Variants in FAF1 observed in about 807,000 individuals in gnomAD.
The protein encoded by FAF1 is FAS-associated factor 1.
In FAF1, 25 loss-of-function variants were observed where a neutral mutation model predicts 92.5. That is an observed-to-expected ratio of 0.27 (90% CI 0.20 to 0.38). The LOEUF (loss-of-function observed/expected upper bound fraction) is 0.38, where lower values mean the gene tolerates loss of function less well. Ranked by LOEUF, FAF1 falls within the 10% of genes least tolerant of loss-of-function variation. The probability of loss-of-function intolerance (pLI) is 1.00; values close to 1 mark genes in which losing one functional copy is unlikely to be tolerated. For synonymous variants in FAF1, 234 were observed against 273.2 expected, an observed-to-expected ratio of 0.86 and a Z score of 1.42; for missense variants, 636 against 793.3, an observed-to-expected ratio of 0.80 and a Z score of 2.38.
At chr1:50,457,857 C>T (rs1405989258) in intron 18 of FAF1, among the ~76,000 whole-genome samples, 2 of 146,028 alleles carry the variant, frequency 1.4e-5, no homozygotes, top group African/African-American at 5.1e-5. Flanking sequence ...AGAGTAAGAC[C>T]CTGTCTCCAA....
At chr1:50,742,827 C>T (rs1035063590) in intron 5 of FAF1, among the ~76,000 whole-genome samples, 3 of 152,204 alleles carry the variant, frequency 2.0e-5, no homozygotes, top group African/African-American at 7.2e-5. Context: ...GCATCAGCAG[C>T]AGCGGGGGAT....
intron 8 of FAF1, among the ~76,000 whole-genome samples, chr1:50,621,391 C>CTTTTCT (rs1653197097): frequency 1.1e-5 from 1 of 89,216 alleles, no homozygotes; most frequent in Admixed American, 1.3e-4. Flanking sequence ...TTCTTTTTTT[C>CTTTTCT]TTTTTTTTTT....
intron 1 of FAF1, among the ~76,000 whole-genome samples, chr1:50,866,839 C>A (rs1281855931): frequency 6.6e-6 from 1 of 151,922 alleles, no homozygotes; most frequent in Admixed American, 6.6e-5. Context: ...AGAAAACAAT[C>A]CTAAAATTCA....
intron 18 of FAF1, among the ~76,000 whole-genome samples, chr1:50,453,329 C>T (rs760757674): frequency 4.6e-5 from 7 of 152,158 alleles, no homozygotes; most frequent in Non-Finnish European, 8.8e-5. Flanking sequence ...CAGGGCCATG[C>T]GAGCTGGTGT....
intron 2 of FAF1, among the ~76,000 whole-genome samples, chr1:50,816,406 G>A (rs1484764087): frequency 6.6e-6 from 1 of 151,756 alleles, no homozygotes; most frequent in Non-Finnish European, 1.5e-5. Context: ...GGGTTTCACC[G>A]TGTTAGCCAG....
chr1:50,440,751 C>T lies in FAF1; in HGVS notation c.*689G>A, dbSNP rs559930989. The T allele has an allele frequency of 6.6e-6, 1 of 152,366 alleles. No homozygotes were observed. The highest frequency in any genetic ancestry group is 2.1e-4 in the South Asian group (1 of 4,834). The allele number at this position is 152,366 out of a possible 1,614,324, so 9.4% of individuals were successfully genotyped here. A position where few individuals can be genotyped will look rare whatever the true frequency, so the allele number is the denominator to read the frequency against. On this transcript the variant is annotated 3_prime_UTR_variant, in exon 19 of 19. Transcript: ENST00000396153. Reference sequence around the variant, plus strand: ...TCTCTGCACATGATCTCAACATTCACATTGTGTGCTTGAACAGTTTCCCTA... The same window carrying T: ...TCTCTGCACATGATCTCAACATTCATATTGTGTGCTTGAACAGTTTCCCTA...
chr1:50,765,392 T>G (rs1569909423), intron 4 of FAF1, among the ~76,000 whole-genome samples: 1 of 152,332 alleles, frequency 6.6e-6, no homozygotes, highest in East Asian at 1.9e-4. Flanking sequence ...TCAAGGTCAT[T>G]TGGAAGGAAT....
At chr1:50,879,504 G>C (rs1557571708) in intron 1 of FAF1, among the ~76,000 whole-genome samples, 1 of 152,116 alleles carries the variant, frequency 6.6e-6, no homozygotes, top group Non-Finnish European at 1.5e-5. Flanking sequence ...TCTGATGAAA[G>C]AGAAAATAAA....
chr1:50,701,343 C>G (rs901791256), intron 7 of FAF1, among the ~76,000 whole-genome samples: 5 of 151,828 alleles, frequency 3.3e-5, no homozygotes, highest in African/African-American at 1.2e-4. Flanking sequence ...CCTACTCTTA[C>G]TTCAGTTCTG....
intron 13 of FAF1, among the ~76,000 whole-genome samples, chr1:50,544,073 C>T (rs1221638050): frequency 1.3e-5 from 2 of 152,090 alleles, no homozygotes; most frequent in African/African-American, 4.8e-5. Flanking sequence ...ACCATGAGAA[C>T]AGTCAAGGAC....
At chr1:50,667,773 G>T (rs556025721) in intron 7 of FAF1, among the ~76,000 whole-genome samples, 20 of 152,238 alleles carry the variant, frequency 1.3e-4, no homozygotes, top group Admixed American at 1.1e-3. Context: ...CAAGAAAAAA[G>T]ATTTTTTTTC....
chr1:50,462,505 C>A (rs948884336), intron 18 of FAF1, among the ~76,000 whole-genome samples: 1 of 151,810 alleles, frequency 6.6e-6, no homozygotes, highest in Non-Finnish European at 1.5e-5. Flanking sequence ...TAGTAACAAG[C>A]AAGAAAAATA....
At chr1:50,628,667 T>C (rs530759479) in intron 8 of FAF1, among the ~76,000 whole-genome samples, 58 of 152,292 alleles carry the variant, frequency 3.8e-4, no homozygotes, top group African/African-American at 1.3e-3. Context: ...CTAAAAGAAT[T>C]GTCAAACAGG....
At chr1:50,658,327 T>C (rs1655218303) in intron 7 of FAF1, among the ~76,000 whole-genome samples, 1 of 152,150 alleles carries the variant, frequency 6.6e-6, no homozygotes, top group East Asian at 1.9e-4. Flanking sequence ...TTACATCCTT[T>C]TGGAAAGGCC....
intron 2 of FAF1, among the ~76,000 whole-genome samples, chr1:50,851,143 C>T (rs929872169): frequency 6.8e-5 from 10 of 147,232 alleles, no homozygotes; most frequent in African/African-American, 2.5e-4. Context: ...TGCAATGGTG[C>T]GATCTCAGCT....
intron 1 of FAF1, among the ~76,000 whole-genome samples, chr1:50,920,579 A>G (rs1245521826): frequency 6.6e-6 from 1 of 152,258 alleles, no homozygotes; most frequent in Non-Finnish European, 1.5e-5. Context: ...ATAACAAATC[A>G]TGACCAACTG....
intron 1 of FAF1, among the ~76,000 whole-genome samples, chr1:50,937,726 C>A (rs115855502): frequency 0.013 from 1,975 of 152,226 alleles, 42 homozygotes; most frequent in African/African-American, 0.044. Flanking sequence ...TATTGTTATT[C>A]TGCACTACAA....
In FAF1 at chr1:50,945,200, C is replaced by A. The variant is rs371633650; in HGVS notation, c.45+14567G>T. On this transcript the variant is annotated intron_variant, in intron 1 of 18. Transcript: ENST00000396153. ...AGGTGCACTACTGTTAGACTGCAAA[C>A]AGTCCAGAAAGCCAAAAGTATAACA... Among the ~76,000 whole-genome samples the A allele has an allele frequency of 1.3e-4, 20 of 152,276 alleles. 1 individual carries two copies. Among genetic ancestry groups the A allele is most frequent in the African/African-American group, 4.8e-4 (20 of 41,564 alleles).
chr1:50,703,786 T>C (rs1434022254), intron 7 of FAF1, among the ~76,000 whole-genome samples: 1 of 152,202 alleles, frequency 6.6e-6, no homozygotes, highest in Non-Finnish European at 1.5e-5. Flanking sequence ...GAGAACAGTT[T>C]CAGCCAACTG....
Sources: allele counts gnomAD v4.1 joint callset (sites outside exome capture counted in the v4.1 genomes callset), GRCh38; gene constraint gnomAD v4.1.1; transcripts MANE v1.5; gene names NCBI Gene and HGNC (gene_info 2026-07-23, HGNC 2026-07-21).